Variants in KIFAP3 observed in about 807,000 individuals in gnomAD.
KIFAP3 encodes the protein kinesin-associated protein 3.
In KIFAP3, 68 loss-of-function variants were observed where a neutral mutation model predicts 106.5. The observed-to-expected ratio is 0.64, with a 90% confidence interval of 0.53 to 0.78. The LOEUF is 0.78. Among genes scored for constraint, KIFAP3 ranks in the 30% least tolerant of loss-of-function variants. The pLI is 0.00. For missense variants in KIFAP3, 780 were observed against 941.8 expected, an observed-to-expected ratio of 0.83 and a Z score of 2.25; for synonymous variants, 320 against 311.5, an observed-to-expected ratio of 1.03 and a Z score of -0.29.
At chr1:170,084,059 C>A (rs1672062619) in intron 1 of KIFAP3, among the ~76,000 whole-genome samples, 1 of 152,184 alleles carries the variant, frequency 6.6e-6, no homozygotes, top group Non-Finnish European at 1.5e-5. Context: ...AGATGCCTAA[C>A]ACCAATGACA....
intron 8 of KIFAP3, among the ~76,000 whole-genome samples, chr1:170,028,354 T>C (rs1206218465): frequency 6.6e-6 from 1 of 152,218 alleles, no homozygotes; most frequent in Non-Finnish European, 1.5e-5. Flanking sequence ...GGCTTTTTTT[T>C]CTGAGACGGA....
At chr1:169,928,723 T>TAAAAAAAAAAAAAAAAAAAA (rs1258694998) in intron 19 of KIFAP3, among the ~76,000 whole-genome samples, 114 of 65,264 alleles carry the variant, frequency 1.7e-3, no homozygotes, top group Middle Eastern at 8.8e-3. Context: ...AAAAAAAAAT[T>TAAAAAAAAAAAAAAAAAAAA]AAAGTTATAC....
rs1671852063 is a variant in KIFAP3, at chr1:170,074,611, G to A, written c.-144C>T. ...CAAGGCGGGGCAGCAGCGGCGCTGT[G>A]GTTACCACGGTGAAGCCTCCAGCTC... On this transcript the variant is annotated 5_prime_UTR_variant, in exon 1 of 20. Coordinates refer to ENST00000361580, the MANE Select transcript of KIFAP3 (RefSeq NM_014970.4). The A allele has an allele frequency of 2.6e-6, 4 of 1,514,636 alleles. No individual in the cohort carries two copies. Among genetic ancestry groups the A allele is most frequent in the Non-Finnish European group, 2.7e-6 (3 of 1,128,072 alleles). The allele number at this position is 1,514,636 out of a possible 1,614,324, so 93.8% of individuals were successfully genotyped here.
At chr1:170,082,201 G>A (rs1672030321) in intron 1 of KIFAP3, among the ~76,000 whole-genome samples, 1 of 152,164 alleles carries the variant, frequency 6.6e-6, no homozygotes, top group African/African-American at 2.4e-5. Context: ...CTATTAACAT[G>A]TCAATTGATA....
At chr1:170,025,325 T>C (rs1225833262) in intron 8 of KIFAP3, among the ~76,000 whole-genome samples, 2 of 152,112 alleles carry the variant, frequency 1.3e-5, no homozygotes, top group Non-Finnish European at 2.9e-5. Context: ...TGATTGACAG[T>C]GAGCTTCAGA....
intron 1 of KIFAP3, among the ~76,000 whole-genome samples, chr1:170,066,270 G>C (rs1381297006): frequency 6.7e-6 from 1 of 148,512 alleles, no homozygotes; most frequent in African/African-American, 2.5e-5. Context: ...TTGCTTTCAA[G>C]TCATATGTAT....
chr1:169,926,637 C>G (rs187270899), intron 19 of KIFAP3, among the ~76,000 whole-genome samples: 2 of 151,006 alleles, frequency 1.3e-5, no homozygotes, highest in Admixed American at 1.3e-4. Context: ...GTTATAGTTA[C>G]ATGTAACATT....
At chr1:170,058,103 G>A (rs1259320884) in intron 1 of KIFAP3, among the ~76,000 whole-genome samples, 2 of 152,036 alleles carry the variant, frequency 1.3e-5, no homozygotes, top group Admixed American at 1.3e-4. Flanking sequence ...ACATCCTTAT[G>A]TTCCTAGATT....
chr1:170,067,892 A>G (rs1383119004), intron 1 of KIFAP3: 1 of 152,186 alleles, frequency 6.6e-6, no homozygotes, highest in Non-Finnish European at 1.5e-5. Flanking sequence ...TATAAAGAGA[A>G]ATCTAGAAAT....
At chr1:170,034,950 A>AAT (rs1669605294) in intron 6 of KIFAP3, among the ~76,000 whole-genome samples, 1 of 151,974 alleles carries the variant, frequency 6.6e-6, no homozygotes. Context: ...TTTATTTGCT[A>AAT]ATACTAGCAC....
chr1:169,982,917 C>A lies in KIFAP3; in HGVS notation c.1507-50G>T, dbSNP rs956084451. The A allele has an allele frequency of 1.4e-5, 14 of 980,084 alleles. No individual in the cohort carries two copies. The Admixed American group carries it at 3.9e-4, about 27-fold the overall frequency. The allele number at this position is 980,084 out of a possible 1,614,324, so 60.7% of individuals were successfully genotyped here. A position where few individuals can be genotyped will look rare whatever the true frequency, so the allele number is the denominator to read the frequency against. On this transcript the variant is annotated intron_variant, in intron 13 of 19. Coordinates refer to ENST00000361580, the MANE Select transcript of KIFAP3 (RefSeq NM_014970.4). ...AAATTTAAATTATTTTTTATTTAAT[C>A]TAATAACCCACAGGAATCTAACAAT...
chr1:169,926,607 A>G (rs1453388742), intron 19 of KIFAP3, among the ~76,000 whole-genome samples: 1 of 151,980 alleles, frequency 6.6e-6, no homozygotes, highest in Non-Finnish European at 1.5e-5. Context: ...ATTGAGTTAT[A>G]TATAGTTATA....
At chr1:170,084,464 A>G (rs897823827) in intron 1 of KIFAP3, among the ~76,000 whole-genome samples, 3 of 152,214 alleles carry the variant, frequency 2.0e-5, no homozygotes, top group Non-Finnish European at 4.4e-5. Context: ...GTCACTAGGT[A>G]TATAAACAAA....
rs967120425 is a variant in KIFAP3, at chr1:170,041,673, C to G, written c.320-2385G>C. The G allele has an allele frequency of 3.3e-6, 5 of 1,533,822 alleles. No homozygotes were observed. In the African/African-American group the frequency reaches 6.8e-5, roughly 21 times the overall value. On this transcript the variant is annotated intron_variant, in intron 3 of 19. Coordinates refer to ENST00000361580, the MANE Select transcript of KIFAP3 (RefSeq NM_014970.4). The stretch of plus-strand genomic sequence containing the variant: ...GCCTCCCTTGCCAGCAAGGCATTAC[C>G]GACCTTCACATAAGCTTGCTTGGAG...
chr1:170,007,080 C>G (rs1353256802), intron 10 of KIFAP3, among the ~76,000 whole-genome samples: 3 of 152,108 alleles, frequency 2.0e-5, no homozygotes, highest in Admixed American at 6.6e-5. Flanking sequence ...AAGGAGGGAA[C>G]TGTAACAAAT....
At chr1:169,940,470 T>C (rs1421751388) in intron 19 of KIFAP3, among the ~76,000 whole-genome samples, 1 of 152,170 alleles carries the variant, frequency 6.6e-6, no homozygotes, top group Non-Finnish European at 1.5e-5. Flanking sequence ...AATTTTTCCA[T>C]ACATGGGGGA....
In KIFAP3 at chr1:169,921,662, A is replaced by C. The variant is rs373947122; in HGVS notation, c.*14T>G. ...TCTTCTAAGCTGAGATTACACATGG[A>C]AACAGATACTTTATCAAGATCCATA... On this transcript the variant is annotated 3_prime_UTR_variant, in exon 20 of 20. Transcript: ENST00000361580. 3.2e-5 allele frequency: 51 copies of C among 1,594,972 alleles called. No homozygotes were observed. In the African/African-American group the frequency reaches 5.1e-4, roughly 16 times the overall value.
intron 8 of KIFAP3, among the ~76,000 whole-genome samples, chr1:170,027,314 C>T (rs1170735554): frequency 6.6e-6 from 1 of 152,074 alleles, no homozygotes; most frequent in East Asian, 1.9e-4. Flanking sequence ...ACCACCGCGC[C>T]TGACCCTGTC....
chr1:169,994,280 C>G (rs1336012644), intron 10 of KIFAP3, among the ~76,000 whole-genome samples: 1 of 152,142 alleles, frequency 6.6e-6, no homozygotes, highest in East Asian at 1.9e-4. Context: ...ATTCCCAAAT[C>G]TTTACCAGGT....
Sources: gnomAD v4.1 joint callset for allele counts (sites outside exome capture counted in the v4.1 genomes callset) on GRCh38, gnomAD v4.1.1 for gene constraint, MANE v1.5 for transcripts, NCBI Gene and HGNC (gene_info 2026-07-23, HGNC 2026-07-21) for gene names.